Variants in USP30 observed in about 807,000 individuals in gnomAD.
The protein encoded by USP30 is ubiquitin specific peptidase 30, also known as ubiquitin carboxyl-terminal hydrolase 30.
A neutral mutation model predicts 68.2 loss-of-function variants in USP30; 41 were observed. The observed-to-expected ratio is 0.60, with a 90% CI of 0.47 to 0.78. The LOEUF (loss-of-function observed/expected upper bound fraction) is 0.78, where lower values mean the gene tolerates loss of function less well. Among genes scored for constraint, USP30 ranks in the 30% least tolerant of loss-of-function variants. USP30 has a pLI of 0.00. For synonymous variants in USP30, 229 were observed against 253.7 expected (o/e 0.90, Z 0.93); for missense variants, 522 against 649.4 (o/e 0.80, Z 2.13).
intron 8 of USP30, 79 bp from the exon 9 acceptor site, chr12:109,081,854 T>G: frequency 7.3e-7 from 1 of 1,368,546 alleles, no homozygotes; most frequent in Non-Finnish European, 1.0e-6. Flanking sequence ...AAAGCTCTGG[T>G]CTTCACACTG....
intron 3 of USP30, among the ~76,000 whole-genome samples, chr12:109,062,550 A>G (rs992861659): frequency 7.9e-5 from 12 of 151,270 alleles, no homozygotes; most frequent in Non-Finnish European, 1.0e-4. Flanking sequence ...GGATGGTCTC[A>G]ATCTCCTGAC....
At position 109,023,628 on chromosome 12, in the gene USP30, C is replaced by CTTTTTTTT. The variant is rs1179349331; in HGVS notation, c.-498+477_-498+484dup. Among the ~76,000 whole-genome samples, 8 of 72,706 alleles carry CTTTTTTTT rather than the reference C, an allele frequency of 1.1e-4. 1 individual carries two copies. Among genetic ancestry groups the CTTTTTTTT allele is most frequent in the Non-Finnish European group, 2.0e-4 (8 of 41,008 alleles). The allele number at this position is 72,706 out of a possible 152,430, so 47.7% of individuals were successfully genotyped here. A position where few individuals can be genotyped will look rare whatever the true frequency, so the allele number is the denominator to read the frequency against. On this transcript the variant is annotated intron_variant, in intron 1 of 15. Transcript: ENST00000392784. ...TTCTACTCATGTGCCTTAATCAGGA[C>CTTTTTTTT]TTTTTTTTTTTTTTTTTTTTTTTGA...
chr12:109,081,479 G>A, intron 8 of USP30, 86 bp downstream of exon 8: 2 of 1,369,418 alleles, frequency 1.5e-6, no homozygotes, highest in Non-Finnish European at 2.1e-6. Context: ...TGTGGCTCAG[G>A]CACTATGTGT....
chr12:109,033,667 A>C (rs2040497954), intron 3 of USP30, among the ~76,000 whole-genome samples: 1 of 152,204 alleles, frequency 6.6e-6, no homozygotes, highest in Non-Finnish European at 1.5e-5. Flanking sequence ...GAAAGTCCCT[A>C]GTCTGCTAGC....
intron 3 of USP30, among the ~76,000 whole-genome samples, chr12:109,037,390 G>T (rs1485584243): frequency 6.6e-6 from 1 of 152,022 alleles, no homozygotes; most frequent in Admixed American, 6.6e-5. Flanking sequence ...TAAAGTCTTT[G>T]TTTCATAAGT....
intron 2 of USP30, among the ~76,000 whole-genome samples, chr12:109,057,267 AG>A (rs1236223966): frequency 6.6e-6 from 1 of 152,172 alleles, no homozygotes; most frequent in African/African-American, 2.4e-5. Context: ...CAGCAAAGAA[AG>A]AAAGAAGAAT....
At chr12:109,033,582 C>T (rs958588190) in intron 3 of USP30, among the ~76,000 whole-genome samples, 2 of 151,942 alleles carry the variant, frequency 1.3e-5, no homozygotes, top group African/African-American at 4.8e-5. Context: ...TTGGGTATGA[C>T]AAGAATGACC....
At chr12:109,053,684 AC>A (rs2040747235) in intron 1 of USP30, 1 of 208,656 alleles carries the variant, frequency 4.8e-6, no homozygotes, top group African/African-American at 2.3e-5. Flanking sequence ...CCCATAGCTG[AC>A]CTCATAGCAG....
intron 7 of USP30, among the ~76,000 whole-genome samples, chr12:109,078,669 T>G (rs1017341428): frequency 1.1e-4 from 16 of 152,210 alleles, no homozygotes; most frequent in African/African-American, 3.6e-4. Context: ...CCATTTTTCT[T>G]GTTCTCAGTC....
intron 3 of USP30, among the ~76,000 whole-genome samples, chr12:109,063,625 G>A (rs1464744519): frequency 6.6e-6 from 1 of 152,160 alleles, no homozygotes; most frequent in Non-Finnish European, 1.5e-5. Flanking sequence ...CTGCTGTGCT[G>A]TTTTCCACAG....
chr12:109,048,739 CA>C (rs60197959), upstream of USP30, among the ~76,000 whole-genome samples: 84 of 86,956 alleles, frequency 9.7e-4, no homozygotes, highest in Middle Eastern at 5.7e-3. Context: ...GACTCTGTCT[CA>C]AAAAAAAAAA....
At position 109,074,942 on chromosome 12, in the gene USP30, C is replaced by A. The variant is rs903339053; in HGVS notation, c.720+1410C>A. On this transcript the variant is annotated intron_variant, in intron 7 of 12. Coordinates refer to ENST00000257548, the MANE Select transcript of USP30 (RefSeq NM_032663.5). Reference sequence around the variant, plus strand: ...TCTGTGAGTTTGACTTTTCTAGATTCCATATAGGTATGAGATCAGGTGGTG... The same window carrying A: ...TCTGTGAGTTTGACTTTTCTAGATTACATATAGGTATGAGATCAGGTGGTG... Among the ~76,000 whole-genome samples, 10 of 152,208 alleles carry A rather than the reference C, an allele frequency of 6.6e-5. 1 individual carries two copies. The highest frequency in any genetic ancestry group is 5.9e-4 in the Admixed American group (9 of 15,272).
At chr12:109,066,991 A>C (rs1226322504) in intron 3 of USP30, among the ~76,000 whole-genome samples, 1 of 152,216 alleles carries the variant, frequency 6.6e-6, no homozygotes, top group African/African-American at 2.4e-5. Context: ...CTGCAGCCTC[A>C]TGAAAAATTA....
At chr12:109,046,941 C>A (rs550934249) in intron 3 of USP30, among the ~76,000 whole-genome samples, 5 of 152,278 alleles carry the variant, frequency 3.3e-5, no homozygotes, top group African/African-American at 1.2e-4. Context: ...AGGTGATCCA[C>A]CCGCCTGGGC....
chr12:109,081,555 A>G (rs1486982975), intron 8 of USP30, 162 bp downstream of exon 8: 1 of 793,556 alleles, frequency 1.3e-6, no homozygotes, highest in East Asian at 2.5e-5. Flanking sequence ...TATGGGAGAG[A>G]GGAAAATGAA....
intron 3 of USP30, among the ~76,000 whole-genome samples, chr12:109,047,169 A>C (rs2040612570): frequency 6.6e-6 from 1 of 150,530 alleles, no homozygotes; most frequent in African/African-American, 2.4e-5. Context: ...AGGTGGATGC[A>C]TTTTTTTTTT....
rs1262513941 is a variant in USP30 at position 109,082,011 on chromosome 12, T to A, written c.859T>A (p.Cys287Ser). Residue 287 changes from cysteine (C) to serine (S), a missense_variant, in exon 9 of 13, where the codon TGT (cysteine) becomes AGT (serine). Transcript: ENST00000257548. The stretch of plus-strand genomic sequence containing the variant: ...AGTGCGGGATGTTGTGTGTGACAAC[T>A]GTACAAAGGTATGCATTGAACCCCA... ...ESVRDVVCDN[C>S]TKIEAKGTLN... The A allele has an allele frequency of 6.2e-7, 1 of 1,614,126 alleles. No individual in the cohort carries two copies. Among genetic ancestry groups the A allele is most frequent in the African/African-American group, 1.3e-5 (1 of 74,946 alleles).
chr12:109,081,623 G>GCACGCACACA lies in USP30; in HGVS notation c.780+233_780+234insGCACACACAC, dbSNP rs2041801491. The stretch of plus-strand genomic sequence containing the variant: ...TTTGAATACACACGCACGCATGCGC[G>GCACGCACACA]CACACACACACACACACACACACAC... On this transcript the variant is annotated intron_variant, in intron 8 of 12. Coordinates refer to ENST00000257548, the MANE Select transcript of USP30 (RefSeq NM_032663.5). 1.0e-5 allele frequency: 5 copies of GCACGCACACA among 500,532 alleles called. No homozygotes were observed. In the South Asian group the frequency reaches 1.3e-4, roughly 13 times the overall value. 31.0% of individuals were successfully genotyped at this position (500,532 alleles called of 1,614,324 possible). A position where few individuals can be genotyped will look rare whatever the true frequency, so the allele number is the denominator to read the frequency against.
At chr12:109,057,536 A>G (rs569098891) in intron 2 of USP30, among the ~76,000 whole-genome samples, 28 of 152,230 alleles carry the variant, frequency 1.8e-4, no homozygotes, top group Non-Finnish European at 3.5e-4. Flanking sequence ...CAACAGAACA[A>G]TTGTTTTCTT....
Sources: allele counts gnomAD v4.1 joint callset (sites outside exome capture counted in the v4.1 genomes callset), GRCh38; gene constraint gnomAD v4.1.1; transcripts MANE v1.5; gene names NCBI Gene and HGNC (gene_info 2026-07-23, HGNC 2026-07-21).